CIP2A: variants seen among roughly 807,000 people sequenced by gnomAD.
CIP2A encodes cellular inhibitor of PP2A.
In CIP2A, 103 loss-of-function variants were observed where a neutral mutation model predicts 110.9. That is an observed-to-expected ratio of 0.93 (90% CI 0.79 to 1.09). CIP2A has a LOEUF of 1.09. CIP2A is among the 50% of genes least tolerant of loss of function. The pLI, the probability that CIP2A is intolerant of heterozygous loss-of-function variation, is 0.00. For synonymous variants in CIP2A, 381 were observed against 361.6 expected (o/e 1.05, Z -0.61); for missense variants, 1,088 against 1,038.4 (o/e 1.05, Z -0.66).
chr3:108,554,474 T>C lies in CIP2A; in HGVS notation c.2226A>G (p.Glu742=). 7.2e-7 allele frequency: 1 copy of C among 1,397,582 alleles called. No individual in the cohort carries two copies. Among genetic ancestry groups the C allele is most frequent in the Non-Finnish European group, 1.0e-6 (1 of 1,000,068 alleles). 86.6% of individuals were successfully genotyped at this position (1,397,582 alleles called of 1,614,324 possible). The change falls in exon 18 of 21, where the codon GAA becomes GAG. Residue 742 remains glutamate, a synonymous_variant. Transcript: ENST00000295746. ...MELLQRNEST[E]KKNKDLQITC... is the part of the protein sequence containing the mutation. Reference sequence around the variant, plus strand: ...TGATCTGTAAATCTTTATTCTTCTTTTCAGTACTTTCATTTCTGAAAAGAC... The same window carrying C: ...TGATCTGTAAATCTTTATTCTTCTTCTCAGTACTTTCATTTCTGAAAAGAC...
At chr3:108,553,302 A>G (rs1262296551) in intron 19 of CIP2A, among the ~76,000 whole-genome samples, 3 of 151,292 alleles carry the variant, frequency 2.0e-5, no homozygotes, top group Non-Finnish European at 4.4e-5. Flanking sequence ...AAATTTTTGT[A>G]TTTTTTGTAG....
chr3:108,563,883 CCTTT>C (rs1354843138), intron 12 of CIP2A, among the ~76,000 whole-genome samples: 1 of 151,882 alleles, frequency 6.6e-6, no homozygotes, highest in African/African-American at 2.4e-5. Context: ...GTGAGCACTT[CCTTT>C]GAGTATCACC....
Position 108,583,041 on chromosome 3 carries a change from T to C in CIP2A, c.293A>G (p.Asn98Ser). The part of the protein sequence containing the change: ...ETRDCLQNTY[N>S]LNSVLAGVVC... Reference sequence around the variant, plus strand: ...CACTCCCGCCAGCACACTATTCAGATTATATGTATTCTGAAGACAATCTCT... The same window carrying C: ...CACTCCCGCCAGCACACTATTCAGACTATATGTATTCTGAAGACAATCTCT... Residue 98 changes from asparagine to serine, a missense_variant, in exon 3 of 21, where the codon AAT (asparagine) becomes AGT (serine). By Grantham distance (46) the Asn-to-Ser change is conservative (BLOSUM62 1). Coordinates refer to ENST00000295746, the MANE Select transcript of CIP2A (RefSeq NM_020890.3). The C allele has an allele frequency of 1.2e-6, 2 of 1,605,346 alleles. No homozygotes were observed. Among genetic ancestry groups the C allele is most frequent in the Non-Finnish European group, 1.7e-6 (2 of 1,175,810 alleles).
Position 108,557,416 on chromosome 3 carries a change from T to TAA in CIP2A, c.2014-3_2014-2insTT. ...CAACATACTAGCAAGTGTCCGTGCC[T>TAA]CAAAAAAAAAAAGAAGATAGACTTT... On this transcript the variant is annotated splice_polypyrimidine_tract_variant and splice_region_variant and intron_variant, in intron 16 of 20. Transcript: ENST00000295746. The TAA allele has an allele frequency of 6.4e-7, 1 of 1,552,082 alleles. No individual in the cohort carries two copies. The highest frequency in any genetic ancestry group is 2.0e-5 in the Admixed American group (1 of 50,504).
At chr3:108,574,194 G>C (rs1466941998) in intron 8 of CIP2A, among the ~76,000 whole-genome samples, 14 of 152,078 alleles carry the variant, frequency 9.2e-5, no homozygotes, top group Admixed American at 9.2e-4. Flanking sequence ...TTAAACAAAT[G>C]AGCAAGAGAC....
chr3:108,554,264 A>G lies in CIP2A; in HGVS notation c.2324+112T>C. ...ACCAAATACATATCTTATATCTAAA[A>G]TAAGTGACAATTCTATTAATTTTAT... On this transcript the variant is annotated intron_variant, in intron 18 of 20. Transcript: ENST00000295746. 9.1e-6 allele frequency: 5 copies of G among 550,950 alleles called. No homozygotes were observed. The East Asian group carries it at 1.6e-4, about 17-fold the overall frequency. 34.1% of individuals were successfully genotyped at this position (550,950 alleles called of 1,614,324 possible). A position where few individuals can be genotyped will look rare whatever the true frequency, so the allele number is the denominator to read the frequency against.
intron 17 of CIP2A, among the ~76,000 whole-genome samples, chr3:108,555,453 T>C (rs1387324620): frequency 6.6e-6 from 1 of 152,174 alleles, no homozygotes; most frequent in East Asian, 1.9e-4. Flanking sequence ...TGATACTTGA[T>C]TCTTTATAGA....
intron 8 of CIP2A, among the ~76,000 whole-genome samples, chr3:108,573,066 TC>T (rs768501047): frequency 8.5e-5 from 13 of 152,094 alleles, no homozygotes; most frequent in Admixed American, 5.9e-4. Context: ...ATGTAATTTT[TC>T]TGCTTTTTTG....
Position 108,580,818 on chromosome 3 carries a change from A to G in CIP2A, c.549+597T>C, listed in dbSNP as rs1440151808. Among the ~76,000 whole-genome samples the G allele has an allele frequency of 2.6e-5, 4 of 152,202 alleles. No individual in the cohort carries two copies. The East Asian group carries it at 7.7e-4, about 29-fold the overall frequency. Reference sequence around the variant, plus strand: ...TAATTTTTTGTATTTTGGTAGAGACAGGGTTCACCATGTTGGCCGAGATGG... The same window carrying G: ...TAATTTTTTGTATTTTGGTAGAGACGGGGTTCACCATGTTGGCCGAGATGG... On this transcript the variant is annotated intron_variant, in intron 5 of 20. Transcript: ENST00000295746.
rs1939005509 is a variant in CIP2A, at chr3:108,585,187, CGT to C, written c.126_127del (p.Arg43ThrfsTer11). On this transcript the variant is annotated frameshift_variant, in exon 2 of 21. Coordinates refer to ENST00000295746, the MANE Select transcript of CIP2A (RefSeq NM_020890.3). LOFTEE classifies it high-confidence loss of function. ...TAATATCTGATTTGATGTAAATAGT[CGT>C]GTGAGTTTCTGTCCAGAAATTACCT... 7 of 1,610,466 alleles carry C rather than the reference CGT, an allele frequency of 4.3e-6. No individual in the cohort carries two copies. The highest frequency in any genetic ancestry group is 1.3e-5 in the African/African-American group (1 of 74,748).
At chr3:108,569,061 T>C (rs553653700) in intron 9 of CIP2A, among the ~76,000 whole-genome samples, 10 of 150,034 alleles carry the variant, frequency 6.7e-5, no homozygotes, top group South Asian at 4.2e-4. Flanking sequence ...CTAAACTTGG[T>C]AGATGGCATC....
chr3:108,573,603 TATTCC>T (rs1938470806), intron 8 of CIP2A, among the ~76,000 whole-genome samples: 1 of 152,086 alleles, frequency 6.6e-6, no homozygotes, highest in Non-Finnish European at 1.5e-5. Flanking sequence ...TGTGTGTTTC[TATTCC>T]AAGAATCCTT....
At chr3:108,562,035 T>C (rs1372182841) in intron 13 of CIP2A, among the ~76,000 whole-genome samples, 2 of 152,172 alleles carry the variant, frequency 1.3e-5, no homozygotes, top group African/African-American at 4.8e-5. Flanking sequence ...TTTTAACTTG[T>C]AACTTGAAAA....
intron 8 of CIP2A, among the ~76,000 whole-genome samples, chr3:108,575,866 GTA>G (rs1416399125): frequency 1.1e-5 from 1 of 92,622 alleles, no homozygotes; most frequent in African/African-American, 3.7e-5. Flanking sequence ...GTATATACAC[GTA>G]TATATACTCA....
rs763046474 is a variant in CIP2A at position 108,583,075 on chromosome 3, T to C, written c.259A>G (p.Ile87Val). ...IGLLSQLAVD[I>V]ETRDCLQNTY... ...TTCTGAAGACAATCTCTGGTTTCAA[T>C]GTCTACTGCTATAAGTTAAAATAAA... The change falls in exon 3 of 21, where the codon ATT (isoleucine) becomes GTT (valine). Residue 87 changes from isoleucine to valine, a missense_variant. Coordinates refer to ENST00000295746, the MANE Select transcript of CIP2A (RefSeq NM_020890.3). The C allele has an allele frequency of 1.0e-5, 16 of 1,581,992 alleles. No homozygotes were observed. Among genetic ancestry groups the C allele is most frequent in the Non-Finnish European group, 1.4e-5 (16 of 1,157,722 alleles).
chr3:108,570,974 G>A (rs1052279498), intron 8 of CIP2A, among the ~76,000 whole-genome samples: 1 of 151,964 alleles, frequency 6.6e-6, no homozygotes, highest in Admixed American at 6.6e-5. Flanking sequence ...TTTTTAAAAT[G>A]TAGGCTTTTT....
At chr3:108,562,579 C>T (rs1269479158) in intron 13 of CIP2A, among the ~76,000 whole-genome samples, 2 of 152,056 alleles carry the variant, frequency 1.3e-5, no homozygotes, top group Admixed American at 6.6e-5. Context: ...TTTTTTCAAA[C>T]ATAATTGCAA....
At chr3:108,555,925 G>A (rs564141490) in intron 17 of CIP2A, among the ~76,000 whole-genome samples, 1 of 152,228 alleles carries the variant, frequency 6.6e-6, no homozygotes, top group Admixed American at 6.5e-5. Flanking sequence ...TTGGCTGCCT[G>A]CTCCTCCTTA....
At chr3:108,552,158 T>A (rs1359325761) in intron 20 of CIP2A, 76 bp downstream of exon 20, 1 of 1,197,562 alleles carries the variant, frequency 8.4e-7, no homozygotes, top group Non-Finnish European at 1.2e-6. Flanking sequence ...AACAGTACAT[T>A]CCTTTATCCA....
Sources: gnomAD v4.1 joint callset for allele counts (sites outside exome capture counted in the v4.1 genomes callset) on GRCh38, gnomAD v4.1.1 for gene constraint, MANE v1.5 for transcripts, NCBI Gene and HGNC (gene_info 2026-07-23, HGNC 2026-07-21) for gene names.